Variants in DMTF1 observed in about 807,000 individuals in gnomAD.
DMTF1 encodes the protein cyclin-D-binding Myb-like transcription factor 1.
In DMTF1, 39 loss-of-function variants were observed where a neutral mutation model predicts 91.1. That is an observed-to-expected ratio of 0.43 (90% CI 0.33 to 0.56). DMTF1 has a LOEUF of 0.56. Ranked by LOEUF, DMTF1 falls within the 20% of genes least tolerant of loss-of-function variation. The pLI, the probability that DMTF1 is intolerant of heterozygous loss-of-function variation, is 0.05. For synonymous variants in DMTF1, 338 were observed against 309.5 expected, an observed-to-expected ratio of 1.09 and a Z score of -0.97; for missense variants, 750 against 914.5, an observed-to-expected ratio of 0.82 and a Z score of 2.32.
chr7:87,180,244 T>C (rs1797046691), intron 8 of DMTF1, among the ~76,000 whole-genome samples: 1 of 152,238 alleles, frequency 6.6e-6, no homozygotes, highest in African/African-American at 2.4e-5. Flanking sequence ...GTGGCAGTAG[T>C]ATGGCTTATT....
intron 1 of DMTF1, among the ~76,000 whole-genome samples, chr7:87,161,666 C>T (rs1792453124): frequency 6.6e-6 from 1 of 152,156 alleles, no homozygotes; most frequent in South Asian, 2.1e-4. Context: ...ACATGAGTTG[C>T]AGAACTTTAA....
At chr7:87,183,630 GCA>G (rs1275949952) in intron 10 of DMTF1, among the ~76,000 whole-genome samples, 1 of 152,156 alleles carries the variant, frequency 6.6e-6, no homozygotes, top group Non-Finnish European at 1.5e-5. Context: ...CCCAAAGCAA[GCA>G]CAGTCTTTTT....
intron 11 of DMTF1, among the ~76,000 whole-genome samples, chr7:87,185,399 T>G (rs1331125077): frequency 2.0e-5 from 3 of 152,188 alleles, no homozygotes. Context: ...TTTTTTCAAC[T>G]AGTCATCTTT....
chr7:87,183,319 G>A (rs775860039), intron 10 of DMTF1, among the ~76,000 whole-genome samples: 16 of 152,184 alleles, frequency 1.1e-4, no homozygotes, highest in Non-Finnish European at 2.4e-4. Flanking sequence ...GGATCTCAGA[G>A]TTTCATGTAA....
In DMTF1 at chr7:87,192,250, TAAATA is replaced by T. The variant is rs149506530; in HGVS notation, c.1495-944_1495-940del. 2.8e-3 allele frequency among the ~76,000 whole-genome samples: 421 copies of T among 152,208 alleles called. 4 individuals are homozygous for T. The highest frequency in any genetic ancestry group is 9.7e-3 in the African/African-American group (403 of 41,550). On this transcript the variant is annotated intron_variant, in intron 14 of 17. Transcript: ENST00000331242. Reference sequence around the variant, plus strand: ...TGTGAAAATTAAATGTTAAGTATATTAAATAAAACACATATAATATATACATGTAC... The same window carrying T: ...TGTGAAAATTAAATGTTAAGTATATTAAACACATATAATATATACATGTAC...
intron 13 of DMTF1, among the ~76,000 whole-genome samples, chr7:87,189,131 A>C (rs962870500): frequency 6.6e-6 from 1 of 152,118 alleles, no homozygotes; most frequent in African/African-American, 2.4e-5. Flanking sequence ...TGCCCACAGA[A>C]TATTAGTAGT....
At chr7:87,153,226 G>C (rs1315415350) in intron 1 of DMTF1, among the ~76,000 whole-genome samples, 2 of 152,070 alleles carry the variant, frequency 1.3e-5, no homozygotes, top group East Asian at 3.9e-4. Context: ...GTCTCTCTCA[G>C]TCTGACTCTC....
intron 14 of DMTF1, chr7:87,192,873 C>G (rs1800194154): frequency 4.9e-6 from 1 of 206,022 alleles, no homozygotes; most frequent in African/African-American, 2.3e-5. Flanking sequence ...GGGGGCCTGC[C>G]AGTTTTTACG....
At chr7:87,178,111 AC>A (rs1796613987) in intron 7 of DMTF1, among the ~76,000 whole-genome samples, 1 of 152,108 alleles carries the variant, frequency 6.6e-6, no homozygotes, top group Non-Finnish European at 1.5e-5. Context: ...CTGTTTAAGA[AC>A]ATGGTATAAC....
chr7:87,185,810 G>C lies in DMTF1; in HGVS notation c.1050-19G>C, dbSNP rs549983096. Reference sequence around the variant, plus strand: ...AGAAATTAATTTAATGTCTAACGATGCTTATTTTGTAACTGTAGGATAGCA... The same window carrying C: ...AGAAATTAATTTAATGTCTAACGATCCTTATTTTGTAACTGTAGGATAGCA... On this transcript the variant is annotated intron_variant, in intron 11 of 17. Coordinates refer to ENST00000331242, the MANE Select transcript of DMTF1 (RefSeq NM_001142327.2). 32 of 1,613,328 alleles carry C rather than the reference G, an allele frequency of 2.0e-5. 1 individual carries two copies. In the South Asian group the frequency reaches 3.5e-4, roughly 18 times the overall value.
rs1491566839 is a variant in DMTF1 at position 87,168,618 on chromosome 7, T to TC, written c.232+2014dup. The stretch of plus-strand genomic sequence containing the variant: ...CTTGCATTCACCAAGTCCTTTTTTT[T>TC]CTCTCACTTATTTGGTGAACTCATA... On this transcript the variant is annotated intron_variant, in intron 4 of 17. Coordinates refer to ENST00000331242, the MANE Select transcript of DMTF1 (RefSeq NM_001142327.2). Among the ~76,000 whole-genome samples the TC allele has an allele frequency of 2.0e-5, 3 of 152,300 alleles. No individual in the cohort carries two copies. The East Asian group carries it at 5.8e-4, about 29-fold the overall frequency.
chr7:87,190,938 AC>A lies in DMTF1; in HGVS notation c.1412-5del. The A allele has an allele frequency of 1.2e-6, 2 of 1,606,146 alleles. No individual in the cohort carries two copies. The highest frequency in any genetic ancestry group is 1.3e-5 in the African/African-American group (1 of 74,648). On this transcript the variant is annotated splice_polypyrimidine_tract_variant and splice_region_variant and intron_variant, in intron 13 of 17. Coordinates refer to ENST00000331242, the MANE Select transcript of DMTF1 (RefSeq NM_001142327.2). ...TCTTACCACAGCTTACCTTATTCTT[AC>A]CACAGCTTCAGCAGACTCTCCTGCT...
Position 87,167,395 on chromosome 7 carries a change from C to G in DMTF1, c.232+790C>G, listed in dbSNP as rs138840600. ...TGCTTAGCAAAGAGTGTGGAGTGTT[C>G]AGGAAGATTCTGGAGTAGATGCTTT... is the stretch of plus-strand genomic sequence containing the variant. On this transcript the variant is annotated intron_variant, in intron 4 of 17. Coordinates refer to ENST00000331242, the MANE Select transcript of DMTF1 (RefSeq NM_001142327.2). Among the ~76,000 whole-genome samples, 5 of 152,194 alleles carry G rather than the reference C, an allele frequency of 3.3e-5. No homozygotes were observed. In the East Asian group the frequency reaches 9.6e-4, roughly 29 times the overall value.
chr7:87,162,037 C>T (rs1366233397), intron 1 of DMTF1, among the ~76,000 whole-genome samples: 6 of 152,200 alleles, frequency 3.9e-5, no homozygotes. Context: ...TTGGGAACAA[C>T]ATAAATGTCC....
At chr7:87,184,061 C>A (rs752545968) in intron 10 of DMTF1, among the ~76,000 whole-genome samples, 6 of 152,138 alleles carry the variant, frequency 3.9e-5, no homozygotes, top group Non-Finnish European at 7.4e-5. Flanking sequence ...TGTCTGTCAG[C>A]CATTGACGAA....
At chr7:87,163,079 C>T (rs1016884705) in intron 1 of DMTF1, 9 of 151,454 alleles carry the variant, frequency 5.9e-5, no homozygotes, top group African/African-American at 2.2e-4. Flanking sequence ...TAAGATAAAA[C>T]ATAAAGAGGT....
chr7:87,186,035 T>G, intron 12 of DMTF1, 55 bp downstream of exon 12: 1 of 1,591,378 alleles, frequency 6.3e-7, no homozygotes, highest in Non-Finnish European at 8.6e-7. Flanking sequence ...TATTTACTCC[T>G]TAGGAGTGAG....
At chr7:87,187,043 T>A (rs1309375556) in intron 12 of DMTF1, 1 of 152,214 alleles carries the variant, frequency 6.6e-6, no homozygotes, top group Admixed American at 6.5e-5. Context: ...TCTAGAGATC[T>A]TAAGTTGGGT....
chr7:87,178,579 T>C (rs1796724964), intron 7 of DMTF1, among the ~76,000 whole-genome samples: 1 of 152,026 alleles, frequency 6.6e-6, no homozygotes, highest in Non-Finnish European at 1.5e-5. Context: ...CTTGTATTCC[T>C]GGGATAAACT....
Sources: allele counts gnomAD v4.1 joint callset (sites outside exome capture counted in the v4.1 genomes callset), GRCh38; gene constraint gnomAD v4.1.1; transcripts MANE v1.5; gene names NCBI Gene and HGNC (gene_info 2026-07-23, HGNC 2026-07-21).